Variants in CRACDL observed in about 807,000 individuals in gnomAD.
The protein encoded by CRACDL is CRACD-like protein.
A neutral mutation model predicts 70.6 loss-of-function variants in CRACDL; 26 were observed. The observed-to-expected ratio is 0.37, with a 90% CI of 0.27 to 0.51. The LOEUF is 0.51. CRACDL is among the 20% of genes least tolerant of loss of function. The pLI is 0.94. For missense variants in CRACDL, 1,283 were observed against 1,376.9 expected, an observed-to-expected ratio of 0.93 and a Z score of 1.08; for synonymous variants, 618 against 615.2, an observed-to-expected ratio of 1.00 and a Z score of -0.07.
intron 1 of CRACDL, among the ~76,000 whole-genome samples, chr2:98,912,197 G>A (rs1708560715): frequency 6.6e-6 from 1 of 152,230 alleles, no homozygotes. Flanking sequence ...AAAACATTTT[G>A]CAATATATTA....
chr2:98,929,185 G>T (rs983043887), intron 1 of CRACDL, among the ~76,000 whole-genome samples: 1 of 152,228 alleles, frequency 6.6e-6, no homozygotes, highest in Admixed American at 6.5e-5. Context: ...AAACTCCGGA[G>T]CCAGGAGGGA....
At chr2:98,814,204 TTTGAG>T (rs756867161) in intron 7 of CRACDL, among the ~76,000 whole-genome samples, 36 of 152,258 alleles carry the variant, frequency 2.4e-4, no homozygotes, top group Admixed American at 3.9e-4. Flanking sequence ...TCCTTCTTGC[TTTGAG>T]TTTAGTTTGC....
intron 1 of CRACDL, among the ~76,000 whole-genome samples, chr2:98,918,657 T>A (rs1050109676): frequency 6.6e-5 from 10 of 151,934 alleles, no homozygotes; most frequent in Admixed American, 5.9e-4. Flanking sequence ...TATCTCATTG[T>A]GCTTTTAATT....
chr2:98,875,955 G>A (rs769975709), intron 1 of CRACDL, among the ~76,000 whole-genome samples: 23 of 152,298 alleles, frequency 1.5e-4, no homozygotes, highest in Non-Finnish European at 2.8e-4. Flanking sequence ...ATGGCCTGCC[G>A]GCCTGCTTGC....
chr2:98,863,352 G>A (rs1313427433), intron 1 of CRACDL, among the ~76,000 whole-genome samples: 1 of 152,158 alleles, frequency 6.6e-6, no homozygotes, highest in Non-Finnish European at 1.5e-5. Context: ...ATAAATAAAA[G>A]CTGAGGGAGT....
rs148571578 is a variant in CRACDL, at chr2:98,817,585, C to A, written c.2416+4272G>T. 7.2e-5 allele frequency among the ~76,000 whole-genome samples: 11 copies of A among 152,322 alleles called. 1 individual carries two copies. In the East Asian group the frequency reaches 2.1e-3, roughly 29 times the overall value. ...CCAGAAAATGGCTGTCTACACTCCT[C>A]CAGCATCCAGCTACCACCTGCCTTC... On this transcript the variant is annotated intron_variant, in intron 7 of 9. Transcript: ENST00000397899.
At chr2:98,858,779 T>C (rs1437263386) in intron 1 of CRACDL, among the ~76,000 whole-genome samples, 1 of 152,010 alleles carries the variant, frequency 6.6e-6, no homozygotes, top group African/African-American at 2.4e-5. Flanking sequence ...AAGATTCAAA[T>C]TGCTAAAACC....
Position 98,897,363 on chromosome 2 carries a change from C to T in CRACDL, c.-11+38575G>A, listed in dbSNP as rs1285942418. ...CGCTAAATATATATTTGCCTTGCTC[C>T]TCTTAGCACCTACCTTTTATCTTGC... On this transcript the variant is annotated intron_variant, in intron 1 of 9. Coordinates refer to ENST00000397899, the MANE Select transcript of CRACDL (RefSeq NM_207362.3). 4.6e-6 allele frequency: 6 copies of T among 1,302,626 alleles called. No individual in the cohort carries two copies. In the Admixed American group the frequency reaches 9.2e-5, roughly 20 times the overall value. The allele number at this position is 1,302,626 out of a possible 1,614,324, so 80.7% of individuals were successfully genotyped here. A position where few individuals can be genotyped will look rare whatever the true frequency, so the allele number is the denominator to read the frequency against.
At chr2:98,824,613 G>T (rs1446142282) in intron 6 of CRACDL, among the ~76,000 whole-genome samples, 3 of 152,140 alleles carry the variant, frequency 2.0e-5, no homozygotes, top group Admixed American at 1.3e-4. Context: ...TAGAAAGTTT[G>T]TGATATTAGA....
intron 1 of CRACDL, among the ~76,000 whole-genome samples, chr2:98,877,703 C>T (rs1161109689): frequency 2.0e-5 from 3 of 151,786 alleles, no homozygotes; most frequent in Non-Finnish European, 2.9e-5. Context: ...GAGCTGAGGT[C>T]GCGCCACTGC....
chr2:98,911,034 C>T (rs1708534578), intron 1 of CRACDL, among the ~76,000 whole-genome samples: 1 of 152,190 alleles, frequency 6.6e-6, no homozygotes, highest in African/African-American at 2.4e-5. Flanking sequence ...TTGTCAGCAG[C>T]ACATCCTGGT....
chr2:98,865,060 G>A (rs749330711), intron 1 of CRACDL, among the ~76,000 whole-genome samples: 6 of 152,278 alleles, frequency 3.9e-5, no homozygotes, highest in Non-Finnish European at 8.8e-5. Flanking sequence ...AAACACAAAC[G>A]TGGACAGACA....
chr2:98,804,573 G>A (rs983379347), intron 7 of CRACDL, among the ~76,000 whole-genome samples: 3 of 152,004 alleles, frequency 2.0e-5, no homozygotes, highest in African/African-American at 7.3e-5. Context: ...CCACATTTTG[G>A]GGCACTAGGT....
intron 3 of CRACDL, 54 bp from the exon 4 acceptor site, chr2:98,833,051 T>A (rs1414795401): frequency 1.3e-6 from 2 of 1,531,732 alleles, no homozygotes; most frequent in Non-Finnish European, 1.8e-6. Context: ...TACTGACCCC[T>A]GGGGGGCTCA....
chr2:98,827,494 G>C (rs924693612), intron 5 of CRACDL, among the ~76,000 whole-genome samples: 4 of 152,190 alleles, frequency 2.6e-5, no homozygotes, highest in Non-Finnish European at 4.4e-5. Context: ...GTTTCACCAT[G>C]TTGGCCAGGC....
chr2:98,834,499 T>C (rs556232234), intron 3 of CRACDL, among the ~76,000 whole-genome samples: 4 of 152,118 alleles, frequency 2.6e-5, no homozygotes, highest in Non-Finnish European at 5.9e-5. Context: ...CAGCACTGCA[T>C]GGGAAAGGGG....
At chr2:98,880,576 T>G (rs916608693) in intron 1 of CRACDL, among the ~76,000 whole-genome samples, 6 of 151,090 alleles carry the variant, frequency 4.0e-5, no homozygotes, top group Non-Finnish European at 5.9e-5. Flanking sequence ...TAGGATGGAG[T>G]GTGTTTCTGA....
intron 3 of CRACDL, among the ~76,000 whole-genome samples, chr2:98,836,732 T>G (rs1705799194): frequency 6.6e-6 from 1 of 152,004 alleles, no homozygotes; most frequent in Non-Finnish European, 1.5e-5. Flanking sequence ...ATTGAATAAT[T>G]AGTAATATTA....
At chr2:98,796,362 T>C (rs894597791) in intron 8 of CRACDL, 98 bp from the exon 9 acceptor site, 5 of 1,259,440 alleles carry the variant, frequency 4.0e-6, no homozygotes, top group Non-Finnish European at 5.7e-6. Context: ...TCATCCAAGA[T>C]GCCTGCACTG....
Sources: allele counts gnomAD v4.1 joint callset (sites outside exome capture counted in the v4.1 genomes callset), GRCh38; gene constraint gnomAD v4.1.1; transcripts MANE v1.5; gene names NCBI Gene and HGNC (gene_info 2026-07-23, HGNC 2026-07-21).